CC2D1B: variants seen among roughly 807,000 people sequenced by gnomAD.
CC2D1B encodes coiled-coil and C2 domain-containing protein 1B.
A neutral mutation model predicts 110.8 loss-of-function variants in CC2D1B; 92 were observed. The ratio of observed to expected loss-of-function variants is 0.83; its 90% confidence interval spans 0.70 to 0.99. The LOEUF (loss-of-function observed/expected upper bound fraction) is 0.99, where lower values mean the gene tolerates loss of function less well. CC2D1B is among the 50% of genes least tolerant of loss of function. The pLI is 0.00. For missense variants in CC2D1B, 1,136 were observed against 1,089.0 expected, an observed-to-expected ratio of 1.04 and a Z score of -0.61; for synonymous variants, 406 against 429.2, an observed-to-expected ratio of 0.95 and a Z score of 0.67.
intron 5 of CC2D1B, 99 bp from the exon 6 acceptor site, chr1:52,360,648 T>C (rs935595907): frequency 2.0e-6 from 3 of 1,495,264 alleles, no homozygotes; most frequent in Non-Finnish European, 2.7e-6. Flanking sequence ...GCTCTGGGAC[T>C]CCAGGAGAAA....
rs767252989 is a variant in CC2D1B at position 52,358,696 on chromosome 1, A to G, written c.1320T>C (p.Pro440=). The part of the protein sequence containing the change: ...AGRKVNFAEL[P]VPPGFPPIPG... ...CCATGCCCCACTTACCTGGAGGAAC[A>G]GGCAATTCAGCAAAGTTGACTTTCC... The change falls in exon 12 of 25, where the codon CCT becomes CCC. Residue 440 remains proline, a synonymous_variant. Transcript: ENST00000284376. 6.2e-7 allele frequency: 1 copy of G among 1,613,150 alleles called. No homozygotes were observed. The highest frequency in any genetic ancestry group is 2.2e-5 in the East Asian group (1 of 44,874).
At chr1:52,358,017 T>A in intron 13 of CC2D1B, 119 bp from the exon 14 acceptor site, 1 of 1,408,690 alleles carries the variant, frequency 7.1e-7, no homozygotes, top group Non-Finnish European at 9.5e-7. Context: ...CTGAGATGGG[T>A]GGCTTCTCTT....
Position 52,354,676 on chromosome 1 carries a change from G to A in CC2D1B, c.2362C>T (p.Leu788=). The A allele has an allele frequency of 6.2e-7, 1 of 1,614,218 alleles. No homozygotes were observed. Among genetic ancestry groups the A allele is most frequent in the South Asian group, 1.1e-5 (1 of 91,088 alleles). ...HKGSFFRSDK[L]VGTAHLKLER... ...AGTTTCAGGTGTGCTGTGCCAACCAGCTTGTCGCTTCTGAAGAAGGACCTG... is the reference window on the plus strand; with the variant it reads ...AGTTTCAGGTGTGCTGTGCCAACCAACTTGTCGCTTCTGAAGAAGGACCTG... The change falls in exon 23 of 25, where the codon CTG becomes TTG. Residue 788 remains leucine, a synonymous_variant. Coordinates refer to ENST00000284376, the MANE Select transcript of CC2D1B (RefSeq NM_001330585.2).
At chr1:52,364,674 T>A in intron 1 of CC2D1B, 40 bp from the exon 2 acceptor site, 1 of 1,400,208 alleles carries the variant, frequency 7.1e-7, no homozygotes, top group Non-Finnish European at 1.0e-6. Context: ...GAGTAGCCCA[T>A]AAGCCACGCC....
Position 52,356,185 on chromosome 1 carries a change from C to T in CC2D1B, c.2054+1G>A. 2 of 1,611,742 alleles carry T rather than the reference C, an allele frequency of 1.2e-6. No individual in the cohort carries two copies. Among genetic ancestry groups the T allele is most frequent in the Non-Finnish European group, 1.7e-6 (2 of 1,177,808 alleles). ...GCCCCTGTTTCCCTAGGCCTTGGTA[C>T]CTCACAGTCTGGAATGTCTTCAACT... On this transcript the variant is annotated splice_donor_variant, in intron 18 of 24. Transcript: ENST00000284376. LOFTEE classifies it high-confidence loss of function.
At chr1:52,355,912 C>T in intron 18 of CC2D1B, 68 bp from the exon 19 acceptor site, 1 of 1,516,630 alleles carries the variant, frequency 6.6e-7, no homozygotes, top group Non-Finnish European at 9.2e-7. Context: ...GTCCCTTCGT[C>T]CAGGGCCTGT....
chr1:52,358,263 C>T, intron 13 of CC2D1B, 68 bp downstream of exon 13: 2 of 1,564,458 alleles, frequency 1.3e-6, no homozygotes, highest in Non-Finnish European at 1.7e-6. Flanking sequence ...GTATGGACAA[C>T]AGGGTCTGGG....
chr1:52,354,337 G>C (rs1646594573), intron 23 of CC2D1B: 1 of 644,954 alleles, frequency 1.6e-6, no homozygotes, highest in Non-Finnish European at 2.9e-6. Flanking sequence ...TTCCTCATTT[G>C]TCAGAGGCAA....
At position 52,361,501 on chromosome 1, in the gene CC2D1B, T is replaced by C. The variant is rs779118940; in HGVS notation, c.318+12A>G. The stretch of plus-strand genomic sequence containing the variant: ...GCCTCAGAGCCCTGGGATACCAGCC[T>C]GGCAGACACACCAGCAGCTCTGCAT... On this transcript the variant is annotated intron_variant, in intron 4 of 24. Coordinates refer to ENST00000284376, the MANE Select transcript of CC2D1B (RefSeq NM_001330585.2). The C allele has an allele frequency of 1.1e-5, 18 of 1,613,710 alleles. No homozygotes were observed. Among genetic ancestry groups the C allele is most frequent in the East Asian group, 2.2e-5 (1 of 44,886 alleles).
At chr1:52,356,866 T>C in intron 16 of CC2D1B, 135 bp downstream of exon 16, 1 of 1,062,394 alleles carries the variant, frequency 9.4e-7, no homozygotes, top group Non-Finnish European at 1.3e-6. Flanking sequence ...AGAAAGTGCC[T>C]TGCCCAAGTC....
rs1450254100 is a variant in CC2D1B at position 52,357,666 on chromosome 1, T to G, written c.1612A>C (p.Lys538Gln). 6.2e-7 allele frequency: 1 copy of G among 1,602,716 alleles called. No homozygotes were observed. Among genetic ancestry groups the G allele is most frequent in the Non-Finnish European group, 8.5e-7 (1 of 1,174,448 alleles). Residue 538 changes from lysine (K) to glutamine (Q), a missense_variant, in exon 15 of 25, where the codon AAA (lysine) becomes CAA (glutamine). Physicochemically the swap from Lys to Gln is moderately conservative, Grantham distance 53. Coordinates refer to ENST00000284376, the MANE Select transcript of CC2D1B (RefSeq NM_001330585.2). ...AGGGCTGCCCGCTGATACTGCAGTT[T>G]CCGTGCCTCCAGCAGTGCCAGCTGC... ...REQLALLEAR[K>Q]LQYQRAALQA...
intron 18 of CC2D1B, 39 bp downstream of exon 18, chr1:52,356,147 C>CG (rs1224240587): frequency 6.5e-7 from 1 of 1,546,624 alleles, no homozygotes; most frequent in East Asian, 2.2e-5. Context: ...CCTCCTGCCC[C>CG]TCCCTGCCTG....
chr1:52,359,741 C>G lies in CC2D1B; in HGVS notation c.906G>C (p.Glu302Asp). 1.9e-6 allele frequency: 3 copies of G among 1,609,370 alleles called. No individual in the cohort carries two copies. Among genetic ancestry groups the G allele is most frequent in the Non-Finnish European group, 2.5e-6 (3 of 1,177,942 alleles). The change falls in exon 8 of 25, where the codon GAG becomes GAC. Residue 302 changes from glutamate (E) to aspartate (D), a missense_variant. Coordinates refer to ENST00000284376, the MANE Select transcript of CC2D1B (RefSeq NM_001330585.2). ...TCATGAGCTCTCGGGCACGGTCTAGCTCTCCAGCCCGCTTGGCACTGAGGG... is the reference window on the plus strand; with the variant it reads ...TCATGAGCTCTCGGGCACGGTCTAGGTCTCCAGCCCGCTTGGCACTGAGGG... ...VAALSAKRAG[E>D]LDRARELMRI... is the part of the protein sequence containing the mutation.
At chr1:52,353,475 A>G (rs751028440) in intron 24 of CC2D1B, 43 bp downstream of exon 24, 1 of 1,571,930 alleles carries the variant, frequency 6.4e-7, no homozygotes. Flanking sequence ...TAGTTGAGTA[A>G]AAGGAGGGGG....
At chr1:52,356,075 C>T in intron 18 of CC2D1B, 111 bp downstream of exon 18, 1 of 1,040,006 alleles carries the variant, frequency 9.6e-7, no homozygotes, top group South Asian at 1.4e-5. Context: ...CCAGTGCCCA[C>T]AGCGGGGCCA....
rs1299664405 is a variant in CC2D1B at position 52,360,104 on chromosome 1, C to A, written c.733G>T (p.Asp245Tyr). The change falls in exon 7 of 25, where the codon GAC becomes TAC. Residue 245 changes from aspartate (D) to tyrosine (Y), a missense_variant. Coordinates refer to ENST00000284376, the MANE Select transcript of CC2D1B (RefSeq NM_001330585.2). ...QEPANRSPET[D>Y]PPAPPALESD... ...TCCAAGGCAGGGGGAGCTGGAGGGT[C>A]TGTCTCAGGGCTCCTGTTGGCTGGT... 45 of 1,596,104 alleles carry A rather than the reference C, an allele frequency of 2.8e-5. No individual in the cohort carries two copies. Among genetic ancestry groups the A allele is most frequent in the Non-Finnish European group, 3.8e-5 (45 of 1,171,780 alleles).
At chr1:52,364,663 G>T in intron 1 of CC2D1B, 29 bp from the exon 2 acceptor site, 1 of 1,507,530 alleles carries the variant, frequency 6.6e-7, no homozygotes, top group Non-Finnish European at 9.2e-7. Context: ...GATTCAGGCT[G>T]GAGTAGCCCA....
At position 52,357,868 on chromosome 1, in the gene CC2D1B, T is replaced by A; in HGVS notation, c.1492A>T (p.Lys498Ter). ...GEPPAQAPVA[K>*]KPARPTVPSS... is the part of the protein sequence containing the mutation. ...GGGACTGTGGGCCGTGCAGGTTTCT[T>A]GGCCACTGGGGCCTGTGCTGGGGGC... The change falls in exon 14 of 25, where the codon AAG (lysine) becomes TAG (stop). Residue 498 changes from lysine (K) to a stop codon, truncating the protein, a stop_gained. Transcript: ENST00000284376. LOFTEE classifies it high-confidence loss of function. 1 of 1,582,350 alleles carries A rather than the reference T, an allele frequency of 6.3e-7. No individual in the cohort carries two copies. Among genetic ancestry groups the A allele is most frequent in the Middle Eastern group, 1.7e-4 (1 of 5,746 alleles).
At chr1:52,358,940 C>A (rs188175090) in intron 11 of CC2D1B, 87 bp downstream of exon 11, 2 of 1,555,930 alleles carry the variant, frequency 1.3e-6, no homozygotes, top group African/African-American at 2.7e-5. Context: ...TCAGAAAAGA[C>A]AAGGACTAGC....
Sources: allele counts gnomAD v4.1 joint callset, GRCh38; gene constraint gnomAD v4.1.1; transcripts MANE v1.5; gene names NCBI Gene and HGNC (gene_info 2026-07-23, HGNC 2026-07-21).